MMP20: variants seen among roughly 807,000 people sequenced by gnomAD.
MMP20 encodes matrix metallopeptidase 20.
Under a neutral mutation model 51.8 loss-of-function variants are expected in MMP20, and 50 were observed. The observed-to-expected ratio is 0.97, with a 90% CI of 0.77 to 1.22. MMP20 has a LOEUF of 1.22. Ranked by LOEUF, MMP20 falls within the 50% of genes most tolerant of loss-of-function variation. The probability of loss-of-function intolerance (pLI) is 0.00; values close to 1 mark genes in which losing one functional copy is unlikely to be tolerated. For synonymous variants in MMP20, 244 were observed against 216.2 expected (o/e 1.13, Z -1.13); for missense variants, 663 against 601.4 (o/e 1.10, Z -1.07).
chr11:102,618,908 C>T (rs539373664), intron 1 of MMP20, among the ~76,000 whole-genome samples: 1 of 152,296 alleles, frequency 6.6e-6, no homozygotes, highest in African/African-American at 2.4e-5. Flanking sequence ...GCAGGATCAG[C>T]TGATCCTTTA....
At chr11:102,601,914 T>C (rs2135937759) in intron 6 of MMP20, among the ~76,000 whole-genome samples, 1 of 151,820 alleles carries the variant, frequency 6.6e-6, no homozygotes, top group South Asian at 2.1e-4. Context: ...AATTCCTACT[T>C]GCATAACCCT....
chr11:102,600,459 T>G (rs2459480), intron 6 of MMP20, among the ~76,000 whole-genome samples: 77,545 of 151,402 alleles, frequency 0.51, 20,329 homozygotes, highest in South Asian at 0.67. Context: ...CTCAACTCTT[T>G]TGTTTCCCCC....
At chr11:102,620,207 T>A (rs1711408) in intron 1 of MMP20, among the ~76,000 whole-genome samples, 1 of 152,216 alleles carries the variant, frequency 6.6e-6, no homozygotes, top group Non-Finnish European at 1.5e-5. Context: ...ATGTTTGAGC[T>A]CTTTTTCTTT....
At chr11:102,579,964 G>A (rs925496123) in intron 8 of MMP20, among the ~76,000 whole-genome samples, 5 of 152,166 alleles carry the variant, frequency 3.3e-5, no homozygotes, top group Non-Finnish European at 5.9e-5. Context: ...CATGGAGAAA[G>A]GGTTGAACAA....
intron 8 of MMP20, among the ~76,000 whole-genome samples, chr11:102,591,899 T>G (rs1378188862): frequency 6.6e-6 from 1 of 152,140 alleles, no homozygotes; most frequent in Non-Finnish European, 1.5e-5. Context: ...TTACTGCAGG[T>G]GCTGGTGGGT....
chr11:102,597,893 G>C (rs1424922303), intron 6 of MMP20, among the ~76,000 whole-genome samples: 1 of 151,840 alleles, frequency 6.6e-6, no homozygotes, highest in Non-Finnish European at 1.5e-5. Context: ...TCAGCCTCCC[G>C]AGTAGCTGGG....
intron 4 of MMP20, 137 bp downstream of exon 4, chr11:102,609,768 A>G (rs984255749): frequency 8.0e-7 from 1 of 1,246,756 alleles, no homozygotes; most frequent in African/African-American, 1.5e-5. Context: ...TCCCTTTTGG[A>G]TTTTTGGCTT....
At chr11:102,596,730 A>G (rs1032159654) in intron 6 of MMP20, among the ~76,000 whole-genome samples, 2 of 152,262 alleles carry the variant, frequency 1.3e-5, no homozygotes, top group African/African-American at 4.8e-5. Flanking sequence ...AGCTGCCTTG[A>G]GGTTAGTCAC....
rs567642820 is a variant in MMP20, at chr11:102,611,390, T to C, written c.523+365A>G. ...AGTGAGGATTCATGGTAGGATATCC[T>C]TGGCTAATATAGAAGGGGTTATATA... is the stretch of plus-strand genomic sequence containing the variant. On this transcript the variant is annotated intron_variant, in intron 3 of 9. Coordinates refer to ENST00000260228, the MANE Select transcript of MMP20 (RefSeq NM_004771.4). Among the ~76,000 whole-genome samples the C allele has an allele frequency of 5.9e-5, 9 of 152,344 alleles. No individual in the cohort carries two copies. In the South Asian group the frequency reaches 1.9e-3, roughly 32 times the overall value.
rs1565400157 is a variant in MMP20 at position 102,616,877 on chromosome 11, A to C, written c.309T>G (p.Pro103=). ...GGAAGAGGCGATAATTGGCCACATC[A>C]GGAACTCCACAGCGAGGCTTCTTGA... is the stretch of plus-strand genomic sequence containing the variant. The part of the protein sequence containing the change: ...NVIKKPRCGV[P]DVANYRLFPG... Residue 103 remains proline (P), a synonymous_variant, in exon 2 of 10, where the codon CCT becomes CCG. Coordinates refer to ENST00000260228, the MANE Select transcript of MMP20 (RefSeq NM_004771.4). 3 of 1,614,226 alleles carry C rather than the reference A, an allele frequency of 1.9e-6. No individual in the cohort carries two copies. Among genetic ancestry groups the C allele is most frequent in the Non-Finnish European group, 2.5e-6 (3 of 1,180,038 alleles).
At chr11:102,594,122 TA>T (rs1233388403) in intron 7 of MMP20, among the ~76,000 whole-genome samples, 1 of 152,208 alleles carries the variant, frequency 6.6e-6, no homozygotes, top group Non-Finnish European at 1.5e-5. Context: ...TCAGAGCCAT[TA>T]GATAACTTTC....
chr11:102,579,172 T>C (rs939528169), intron 8 of MMP20, 30 bp from the exon 9 acceptor site: 5 of 1,480,600 alleles, frequency 3.4e-6, no homozygotes, highest in South Asian at 2.3e-5. Context: ...ATAAATAATA[T>C]TACTAAGAGG....
In MMP20 at chr11:102,580,941, T is replaced by TTG. The variant is rs577630892; in HGVS notation, c.1248-1801_1248-1800dup. ...ATTTAGCTGTGAACTGGTGAGAACT[T>TTG]TGTGATGATCTAGCCCTTTGTTTGT... On this transcript the variant is annotated intron_variant, in intron 8 of 9. Transcript: ENST00000260228. 3.2e-3 allele frequency among the ~76,000 whole-genome samples: 488 copies of TTG among 152,296 alleles called. 1 individual carries two copies. The highest frequency in any genetic ancestry group is 0.011 in the African/African-American group (461 of 41,540).
In MMP20 at chr11:102,577,434, A is replaced by G; in HGVS notation, c.1352-8T>C. The G allele has an allele frequency of 1.3e-6, 2 of 1,598,246 alleles. No individual in the cohort carries two copies. The highest frequency in any genetic ancestry group is 2.2e-5 in the South Asian group (2 of 90,704). ...AAAAGAAGTAAATGTAGCCTAAAAG[A>G]GACAAAGTTGAAATTGGGTTACTGA... On this transcript the variant is annotated splice_polypyrimidine_tract_variant and splice_region_variant and intron_variant, in intron 9 of 9. Transcript: ENST00000260228.
intron 6 of MMP20, among the ~76,000 whole-genome samples, chr11:102,596,794 CTTT>C (rs1314765532): frequency 6.6e-6 from 1 of 152,162 alleles, no homozygotes; most frequent in Non-Finnish European, 1.5e-5. Flanking sequence ...CTGGTTTTTT[CTTT>C]GTTTGTACTT....
intron 3 of MMP20, among the ~76,000 whole-genome samples, chr11:102,610,445 T>G (rs1331412323): frequency 6.6e-6 from 1 of 152,134 alleles, no homozygotes; most frequent in East Asian, 1.9e-4. Flanking sequence ...AGAATGACCT[T>G]TCAAATTTGA....
At chr11:102,581,276 T>G (rs1208853517) in intron 8 of MMP20, among the ~76,000 whole-genome samples, 1 of 152,038 alleles carries the variant, frequency 6.6e-6, no homozygotes, top group East Asian at 1.9e-4. Context: ...AACAATTAAC[T>G]CTGACTTGTC....
At position 102,617,002 on chromosome 11, in the gene MMP20, C is replaced by T; in HGVS notation, c.184G>A (p.Ala62Thr). Residue 62 changes from alanine (A) to threonine (T), a missense_variant, in exon 2 of 10, where the codon GCA becomes ACA. By Grantham distance (58) the Ala-to-Thr change is moderately conservative. Transcript: ENST00000260228. ...KEGHQIGEMV[A>T]RGSNSMIRKI... ...CTTATCATGGAATTGCTTCCTCTTGCAACCATCTCACCAATCTGGTGTCCT... is the reference window on the plus strand; with the variant it reads ...CTTATCATGGAATTGCTTCCTCTTGTAACCATCTCACCAATCTGGTGTCCT... The T allele has an allele frequency of 6.2e-7, 1 of 1,614,152 alleles. No homozygotes were observed. The highest frequency in any genetic ancestry group is 1.7e-5 in the Admixed American group (1 of 60,022).
intron 5 of MMP20, among the ~76,000 whole-genome samples, chr11:102,608,723 A>C (rs1010287103): frequency 1.3e-5 from 2 of 152,240 alleles, no homozygotes. Context: ...AAGGCTATCC[A>C]GGACTAATAT....
Sources: gnomAD v4.1 joint callset for allele counts (sites outside exome capture counted in the v4.1 genomes callset) on GRCh38, gnomAD v4.1.1 for gene constraint, MANE v1.5 for transcripts, NCBI Gene and HGNC (gene_info 2026-07-23, HGNC 2026-07-21) for gene names.